The following MAGT1 variants were observed in gnomAD, a reference collection of about 807,000 sequenced individuals.
MAGT1 encodes magnesium transporter 1, also known as dolichyl-diphosphooligosaccharide--protein glycosyltransferase subunit MAGT1.
A neutral mutation model predicts 28.4 loss-of-function variants in MAGT1; 4 were observed. The observed-to-expected ratio is 0.14, with a 90% CI of 0.07 to 0.32. The LOEUF is 0.32. Among genes scored for constraint, MAGT1 ranks in the 10% least tolerant of loss-of-function variants. MAGT1 has a pLI of 1.00. For missense variants in MAGT1, 193 were observed against 264.5 expected (o/e 0.73, Z 1.88); for synonymous variants, 89 against 89.7 (o/e 0.99, Z 0.04).
chrX:77,872,101 G>A (rs1485273602), intron 2 of MAGT1, among the ~76,000 whole-genome samples: 20 of 109,195 alleles, frequency 1.8e-4, no homozygotes, highest in African/African-American at 5.7e-4. Context: ...GGAGTGCAGT[G>A]GCTCCATCTT....
chrX:77,829,540 C>T (rs782026897), intron 9 of MAGT1, among the ~76,000 whole-genome samples: 7 of 110,552 alleles, frequency 6.3e-5, no homozygotes, highest in African/African-American at 1.3e-4. Flanking sequence ...GGGACTCCCA[C>T]GCTCAAGTGA....
At position 77,828,727 on chromosome X, in the gene MAGT1, AAAAGG is replaced by A. The variant is rs2076890087; in HGVS notation, c.*488_*492del. The A allele has an allele frequency of 8.6e-6, 1 of 115,626 alleles. No homozygotes were observed. The highest frequency in any genetic ancestry group is 3.2e-5 in the African/African-American group (1 of 30,857). 9.5% of individuals were successfully genotyped at this position (115,626 alleles called of 1,213,427 possible). On this transcript the variant is annotated 3_prime_UTR_variant, in exon 10 of 10. Coordinates refer to ENST00000618282, the MANE Select transcript of MAGT1 (RefSeq NM_001367916.1). The stretch of plus-strand genomic sequence containing the variant: ...CATGACACACATAATTTCTCTACTC[AAAAGG>A]AAAGATGCGTAAAGTATACACATCC...
rs535230173 is a variant in MAGT1 at position 77,847,969 on chromosome X, G to A, written c.826+5932C>T. ...TGGGTACTCTCTGATTAATGATTGA[G>A]ACTTGCTCTGGGGAAAGCTTGTCTT... On this transcript the variant is annotated intron_variant, in intron 7 of 9. Transcript: ENST00000618282. Among the ~76,000 whole-genome samples the A allele has an allele frequency of 6.3e-5, 7 of 111,556 alleles. No homozygotes were observed. In the South Asian group the frequency reaches 2.6e-3, roughly 42 times the overall value.
At chrX:77,847,029 A>G (rs1343352634) in intron 7 of MAGT1, among the ~76,000 whole-genome samples, 23 of 111,931 alleles carry the variant, frequency 2.1e-4, no homozygotes, top group Admixed American at 2.0e-3. Flanking sequence ...CTGCTCCCAG[A>G]CCTGGAGTCT....
chrX:77,854,026 C>A, intron 6 of MAGT1, 62 bp from the exon 7 acceptor site: 1 of 847,967 alleles, frequency 1.2e-6, no homozygotes, highest in Non-Finnish European at 1.8e-6. Context: ...GTATGCTAAC[C>A]CTAAAACGGG....
At chrX:77,876,194 C>T (rs1181213736) in intron 1 of MAGT1, among the ~76,000 whole-genome samples, 3 of 49,326 alleles carry the variant, frequency 6.1e-5, no homozygotes, top group Non-Finnish European at 1.0e-4. Context: ...TTTGTAGAGA[C>T]GGGGGTTTTA....
At chrX:77,838,759 A>G (rs1252685119) in intron 8 of MAGT1, among the ~76,000 whole-genome samples, 6 of 95,060 alleles carry the variant, frequency 6.3e-5, no homozygotes, top group East Asian at 3.6e-4. Context: ...CTCCGTCTCG[A>G]AAAAAAAAAA....
chrX:77,844,595 T>C (rs2076945065), intron 7 of MAGT1, among the ~76,000 whole-genome samples: 1 of 111,667 alleles, frequency 9.0e-6, no homozygotes, highest in Non-Finnish European at 1.9e-5. Context: ...GTGCTATAAA[T>C]TTCCCTCTAC....
intron 3 of MAGT1, among the ~76,000 whole-genome samples, chrX:77,864,961 C>T (rs1183217927): frequency 1.8e-5 from 2 of 112,469 alleles, no homozygotes; most frequent in Non-Finnish European, 3.8e-5. Flanking sequence ...ATCCCCACGC[C>T]TTGGCCTCCC....
intron 1 of MAGT1, among the ~76,000 whole-genome samples, chrX:77,876,607 G>A (rs986120292): frequency 5.4e-5 from 6 of 111,497 alleles, no homozygotes; most frequent in Non-Finnish European, 7.5e-5. Flanking sequence ...GTAGTCAAAT[G>A]ATTTTGCACA....
chrX:77,888,697 C>A (rs1428885731), intron 1 of MAGT1, among the ~76,000 whole-genome samples: 1 of 111,283 alleles, frequency 9.0e-6, no homozygotes, highest in African/African-American at 3.3e-5. Flanking sequence ...ATTCAAATTT[C>A]TTTTGAATTT....
chrX:77,851,390 T>C (rs1557215504), intron 7 of MAGT1, among the ~76,000 whole-genome samples: 1 of 107,120 alleles, frequency 9.3e-6, no homozygotes, highest in Non-Finnish European at 1.9e-5. Context: ...TGTTTTTTTT[T>C]TGAGACAGAG....
intron 2 of MAGT1, 141 bp from the exon 3 acceptor site, chrX:77,871,066 C>T: frequency 2.0e-6 from 1 of 509,757 alleles, no homozygotes; most frequent in East Asian, 3.5e-5. Flanking sequence ...ACAAGTAGGT[C>T]AGACTCTGCT....
chrX:77,874,894 G>T (rs782791078), intron 2 of MAGT1, among the ~76,000 whole-genome samples: 7 of 106,019 alleles, frequency 6.6e-5, no homozygotes, highest in African/African-American at 2.1e-4. Context: ...TCGCTCTGTC[G>T]CCCAGGCTGG....
chrX:77,828,847 C>T lies in MAGT1; in HGVS notation c.*373G>A. The T allele has an allele frequency of 6.7e-6, 1 of 149,521 alleles. No homozygotes were observed. The highest frequency in any genetic ancestry group is 3.1e-5 in the African/African-American group (1 of 31,879). The allele number at this position is 149,521 out of a possible 1,213,427, so 12.3% of individuals were successfully genotyped here. ...AACACCTGGTCAGGACTTACTTTCCCCATCTTTGGATAAGGCAATATAAAA... is the reference window on the plus strand; with the variant it reads ...AACACCTGGTCAGGACTTACTTTCCTCATCTTTGGATAAGGCAATATAAAA... On this transcript the variant is annotated 3_prime_UTR_variant, in exon 10 of 10. Coordinates refer to ENST00000618282, the MANE Select transcript of MAGT1 (RefSeq NM_001367916.1).
intron 7 of MAGT1, among the ~76,000 whole-genome samples, chrX:77,845,769 C>A (rs1293971369): frequency 1.8e-5 from 2 of 112,039 alleles, no homozygotes; most frequent in East Asian, 5.6e-4. Flanking sequence ...TTGGCCCCCA[C>A]TCTCTTCTGG....
At chrX:77,844,414 AT>A (rs1443792216) in intron 7 of MAGT1, among the ~76,000 whole-genome samples, 4 of 111,218 alleles carry the variant, frequency 3.6e-5, no homozygotes, top group African/African-American at 1.3e-4. Flanking sequence ...GGATTCACTG[AT>A]TTTTTTGAAG....
intron 3 of MAGT1, among the ~76,000 whole-genome samples, chrX:77,863,032 T>G (rs2076998680): frequency 9.2e-6 from 1 of 108,761 alleles, no homozygotes; most frequent in African/African-American, 3.4e-5. Context: ...CTGGGTGTGG[T>G]GATGTGCGCC....
chrX:77,847,445 C>T (rs2076955068), intron 7 of MAGT1, among the ~76,000 whole-genome samples: 1 of 111,941 alleles, frequency 8.9e-6, no homozygotes, highest in African/African-American at 3.2e-5. Context: ...CTGTCCTGCA[C>T]CCACTGTCTG....
Sources: gnomAD v4.1 joint callset for allele counts (sites outside exome capture counted in the v4.1 genomes callset) on GRCh38, gnomAD v4.1.1 for gene constraint, MANE v1.5 for transcripts, NCBI Gene and HGNC (gene_info 2026-07-23, HGNC 2026-07-21) for gene names.